Variants in MUS81 observed in about 807,000 individuals in gnomAD.
MUS81 encodes structure-specific endonuclease subunit MUS81.
MUS81 carries 69 observed loss-of-function variants against 74.2 expected under a neutral mutation model. The observed-to-expected ratio is 0.93, with a 90% CI of 0.77 to 1.14. The LOEUF is 1.14. MUS81 is among the 50% of genes most tolerant of loss of function. MUS81 has a pLI of 0.00. For missense variants in MUS81, 711 were observed against 726.5 expected (o/e 0.98, Z 0.25); for synonymous variants, 303 against 300.6 (o/e 1.01, Z -0.08).
At chr11:65,863,226 G>T in intron 7 of MUS81, 21 bp downstream of exon 7, 1 of 1,605,470 alleles carries the variant, frequency 6.2e-7, no homozygotes, top group Admixed American at 1.7e-5. Flanking sequence ...GGGCAGAGGA[G>T]TGGGGAAAAC....
chr11:65,864,367 G>C (rs1455827021), intron 10 of MUS81, 130 bp from the exon 11 acceptor site: 1 of 781,104 alleles, frequency 1.3e-6, no homozygotes, highest in African/African-American at 1.7e-5. Context: ...CAGGTGGAGA[G>C]GCTAGGGAGG....
chr11:65,863,770 G>A (rs932072643), intron 9 of MUS81, 34 bp from the exon 10 acceptor site: 3 of 1,614,054 alleles, frequency 1.9e-6, no homozygotes, highest in African/African-American at 2.7e-5. Context: ...CTGGTGGGTA[G>A]GGGATCGCAA....
At chr11:65,860,926 C>T (rs754238435) in intron 1 of MUS81, 38 bp downstream of exon 1, 1 of 1,605,356 alleles carries the variant, frequency 6.2e-7, no homozygotes, top group Non-Finnish European at 8.5e-7. Context: ...AAGCTGCTGG[C>T]CAGGTCAGGC....
chr11:65,861,259 G>A, intron 2 of MUS81, 91 bp from the exon 3 acceptor site: 1 of 1,533,728 alleles, frequency 6.5e-7, no homozygotes, highest in Non-Finnish European at 8.9e-7. Flanking sequence ...TCCCTCACCG[G>A]TCTCACGTAA....
chr11:65,863,970 A>G, intron 10 of MUS81, 69 bp downstream of exon 10: 1 of 1,508,386 alleles, frequency 6.6e-7, no homozygotes. Flanking sequence ...AGAGCAATCC[A>G]GGGGCACTTC....
chr11:65,863,802 A>G lies in MUS81; in HGVS notation c.962-2A>G. The G allele has an allele frequency of 6.2e-7, 1 of 1,614,168 alleles. No individual in the cohort carries two copies. The highest frequency in any genetic ancestry group is 8.5e-7 in the Non-Finnish European group (1 of 1,180,020). ...GCAAGCTAACGGCTGGCTTGTCAGC[A>G]GCAAACCCTGGGGAGTTGGTACTGG... On this transcript the variant is annotated splice_acceptor_variant, in intron 9 of 15. Coordinates refer to ENST00000308110, the MANE Select transcript of MUS81 (RefSeq NM_025128.5). LOFTEE classifies it high-confidence loss of function.
At chr11:65,864,456 T>TCCAGCCTGAC (rs1565268509) in intron 10 of MUS81, 41 bp from the exon 11 acceptor site, 1 of 1,560,038 alleles carries the variant, frequency 6.4e-7, no homozygotes, top group South Asian at 1.1e-5. Context: ...CATGTGGTCA[T>TCCAGCCTGAC]CCAGCCTGAC....
In MUS81 at chr11:65,862,437, T is replaced by C. The variant is rs1859643009; in HGVS notation, c.520-7T>C. The stretch of plus-strand genomic sequence containing the variant: ...TGCTCTCTGAGGGTCTCTTTTCTGA[T>C]CCACAGGTAGCCCCTGGGAGTGCTC... On this transcript the variant is annotated splice_region_variant and splice_polypyrimidine_tract_variant and intron_variant, in intron 5 of 15. Coordinates refer to ENST00000308110, the MANE Select transcript of MUS81 (RefSeq NM_025128.5). 3.1e-6 allele frequency: 5 copies of C among 1,612,558 alleles called. No individual in the cohort carries two copies. The highest frequency in any genetic ancestry group is 4.2e-6 in the Non-Finnish European group (5 of 1,178,724).
chr11:65,865,719 C>A, intron 14 of MUS81, 92 bp from the exon 15 acceptor site: 1 of 1,290,120 alleles, frequency 7.8e-7, no homozygotes, highest in South Asian at 1.3e-5. Context: ...CCAACTCTTC[C>A]ATCCCATGCT....
At position 65,863,697 on chromosome 11, in the gene MUS81, C is replaced by T; in HGVS notation, c.937C>T (p.Gln313Ter). 6.2e-7 allele frequency: 1 copy of T among 1,614,004 alleles called. No homozygotes were observed. The highest frequency in any genetic ancestry group is 8.5e-7 in the Non-Finnish European group (1 of 1,179,976). ...CGTTGGAGATTTTGTGTGGGTGGCC[C>T]AGGAGACCAATCCTAGAGACCCAGG... ...LHVGDFVWVA[Q>*]ETNPRDPANP... Residue 313 changes from glutamine (Q) to a stop codon, truncating the protein, a stop_gained, in exon 9 of 16, where the codon CAG becomes TAG. Transcript: ENST00000308110. LOFTEE classifies it high-confidence loss of function.
In MUS81 at chr11:65,866,245, TA is replaced by T; in HGVS notation, c.*196del. ...GGATACCATCTGGTCCAGTGGTTTT[TA>T]AACAAAGCTGCTTAGCACCTGGAAT... On this transcript the variant is annotated 3_prime_UTR_variant, in exon 16 of 16. Transcript: ENST00000308110. 1.6e-6 allele frequency: 1 copy of T among 619,988 alleles called. No individual in the cohort carries two copies. Among genetic ancestry groups the T allele is most frequent in the Non-Finnish European group, 2.8e-6 (1 of 356,472 alleles). 38.4% of individuals were successfully genotyped at this position (619,988 alleles called of 1,614,324 possible). A position where few individuals can be genotyped will look rare whatever the true frequency, so the allele number is the denominator to read the frequency against.
Position 65,862,211 on chromosome 11 carries a change from AAT to A in MUS81, c.452_453del (p.Asn151ThrfsTer2), listed in dbSNP as rs1188001743. The A allele has an allele frequency of 5.6e-6, 9 of 1,613,420 alleles. No homozygotes were observed. The highest frequency in any genetic ancestry group is 1.3e-5 in the African/African-American group (1 of 74,910). ...ILLVLYREHL[N>X]PNGHHFLTKE... ...CCTGTCTTTTCTACCTTGGTTTCAG[AAT>A]CCTAATGGTCACCACTTCTTAACCA... On this transcript the variant is annotated frameshift_variant and splice_region_variant, in exon 5 of 16. Transcript: ENST00000308110. LOFTEE classifies it high-confidence loss of function.
chr11:65,865,097 C>T lies in MUS81; in HGVS notation c.1353C>T (p.Cys451=). The T allele has an allele frequency of 6.2e-7, 1 of 1,614,196 alleles. No homozygotes were observed. Among genetic ancestry groups the T allele is most frequent in the Non-Finnish European group, 8.5e-7 (1 of 1,180,040 alleles). ...SGAMTSPNPL[C]SLLTFSDFNA... is the part of the protein sequence containing the mutation. Reference sequence around the variant, plus strand: ...CCATGACCTCTCCAAACCCTCTCTGCTCACTCCTCACCTTCAGTGACTTCA... The same window carrying T: ...CCATGACCTCTCCAAACCCTCTCTGTTCACTCCTCACCTTCAGTGACTTCA... The change falls in exon 13 of 16, where the codon TGC becomes TGT. Residue 451 remains cysteine (C), a synonymous_variant. Transcript: ENST00000308110.
At chr11:65,867,619 G>C (rs1172777026), downstream of MUS81, 1 of 536,402 alleles carries the variant, frequency 1.9e-6, no homozygotes, top group Non-Finnish European at 3.4e-6. Context: ...TGAAGAAACT[G>C]AGATCAATAT....
chr11:65,863,806 A>G lies in MUS81; in HGVS notation c.964A>G (p.Asn322Asp). ...GCTAACGGCTGGCTTGTCAGCAGCA[A>G]ACCCTGGGGAGTTGGTACTGGATCA... The part of the protein sequence containing the change: ...AQETNPRDPA[N>D]PGELVLDHIV... Residue 322 changes from asparagine (N) to aspartate (D), a missense_variant and splice_region_variant, in exon 10 of 16, where the codon AAC becomes GAC. By Grantham distance (23) the Asn-to-Asp change is conservative (BLOSUM62 1). Transcript: ENST00000308110. 1.2e-6 allele frequency: 2 copies of G among 1,614,140 alleles called. No homozygotes were observed. Among genetic ancestry groups the G allele is most frequent in the Non-Finnish European group, 1.7e-6 (2 of 1,179,998 alleles).
At chr11:65,862,886 C>T (rs1859665729) in intron 6 of MUS81, among the ~76,000 whole-genome samples, 179 bp from the exon 7 acceptor site, 1 of 152,220 alleles carries the variant, frequency 6.6e-6, no homozygotes. Flanking sequence ...GAGAATGGCG[C>T]TGAGCAGGCC....
rs1565270941 is a variant in MUS81 at position 65,866,118 on chromosome 11, C to A, written c.*66C>A. On this transcript the variant is annotated 3_prime_UTR_variant, in exon 16 of 16. Coordinates refer to ENST00000308110, the MANE Select transcript of MUS81 (RefSeq NM_025128.5). The stretch of plus-strand genomic sequence containing the variant: ...CAACCCAGGCTAGCCAGCCTTTTAA[C>A]AACATCTTTTGGGGTACAATTAGAA... 3 of 1,468,990 alleles carry A rather than the reference C, an allele frequency of 2.0e-6. No homozygotes were observed. The highest frequency in any genetic ancestry group is 2.8e-6 in the Non-Finnish European group (3 of 1,070,150). The allele number at this position is 1,468,990 out of a possible 1,614,324, so 91.0% of individuals were successfully genotyped here.
chr11:65,862,384 G>A (rs1859640944), intron 5 of MUS81, 60 bp from the exon 6 acceptor site: 1 of 1,589,398 alleles, frequency 6.3e-7, no homozygotes, highest in Admixed American at 1.7e-5. Context: ...TGGGGACACA[G>A]GGAACATGGA....
At chr11:65,861,317 G>A (rs1440035219) in intron 2 of MUS81, 33 bp from the exon 3 acceptor site, 1 of 1,565,332 alleles carries the variant, frequency 6.4e-7, no homozygotes, top group Admixed American at 1.9e-5. Flanking sequence ...CCGGATTCGT[G>A]GAGTGTGGAG....
Sources: allele counts gnomAD v4.1 joint callset (sites outside exome capture counted in the v4.1 genomes callset), GRCh38; gene constraint gnomAD v4.1.1; transcripts MANE v1.5; gene names NCBI Gene and HGNC (gene_info 2026-07-23, HGNC 2026-07-21).